HS3ST2: variants seen among roughly 807,000 people sequenced by gnomAD.
HS3ST2 encodes the protein heparan sulfate-glucosamine 3-sulfotransferase 2.
Under a neutral mutation model 26.3 loss-of-function variants are expected in HS3ST2, and 17 were observed. That is an observed-to-expected ratio of 0.65 (90% CI 0.44 to 0.97). HS3ST2 has a LOEUF of 0.97. Among genes scored for constraint, HS3ST2 ranks in the 50% least tolerant of loss-of-function variants. The pLI is 0.00. For missense variants in HS3ST2, 402 were observed against 501.2 expected (o/e 0.80, Z 1.89); for synonymous variants, 237 against 219.2 (o/e 1.08, Z -0.72).
chr16:22,822,327 G>C (rs1257653736), intron 1 of HS3ST2, among the ~76,000 whole-genome samples: 1 of 151,980 alleles, frequency 6.6e-6, no homozygotes, highest in Non-Finnish European at 1.5e-5. Context: ...CAACACACCT[G>C]GTTAATTTTT....
chr16:22,871,908 T>A (rs1234040822), intron 1 of HS3ST2, among the ~76,000 whole-genome samples: 1 of 152,120 alleles, frequency 6.6e-6, no homozygotes, highest in Non-Finnish European at 1.5e-5. Context: ...TGGGCTCACC[T>A]GGGAGGTGCA....
At chr16:22,870,895 T>C (rs1172098225) in intron 1 of HS3ST2, among the ~76,000 whole-genome samples, 1 of 152,190 alleles carries the variant, frequency 6.6e-6, no homozygotes, top group African/African-American at 2.4e-5. Flanking sequence ...ATATAGATGA[T>C]CCGTAACTTA....
rs1596611824 is a variant in HS3ST2, at chr16:22,844,891, G to A, written c.485+29796G>A. On this transcript the variant is annotated intron_variant, in intron 1 of 1. Coordinates refer to ENST00000261374, the MANE Select transcript of HS3ST2 (RefSeq NM_006043.2). Reference sequence around the variant, plus strand: ...TTTTTTTGAGATGGAGTCTCAGTCTGTTGCCCAGGCTGGAGTGCAGTGGCG... The same window carrying A: ...TTTTTTTGAGATGGAGTCTCAGTCTATTGCCCAGGCTGGAGTGCAGTGGCG... Among the ~76,000 whole-genome samples, 6 of 150,342 alleles carry A rather than the reference G, an allele frequency of 4.0e-5. 1 individual carries two copies. The South Asian group carries it at 1.1e-3, about 26-fold the overall frequency.
At chr16:22,861,796 T>C (rs1901678121) in intron 1 of HS3ST2, among the ~76,000 whole-genome samples, 1 of 152,056 alleles carries the variant, frequency 6.6e-6, no homozygotes, top group African/African-American at 2.4e-5. Flanking sequence ...CTCACCACCC[T>C]CCAACCACAG....
chr16:22,814,614 G>T lies in HS3ST2; in HGVS notation c.4G>T (p.Ala2Ser), dbSNP rs763791494. 4.5e-6 allele frequency: 7 copies of T among 1,541,384 alleles called. No homozygotes were observed. Among genetic ancestry groups the T allele is most frequent in the Non-Finnish European group, 6.1e-6 (7 of 1,145,196 alleles). Residue 2 changes from alanine to serine, a missense_variant, in exon 1 of 2, where the codon GCC becomes TCC. Coordinates refer to ENST00000261374, the MANE Select transcript of HS3ST2 (RefSeq NM_006043.2). ...CCCGGCGCGGGCCCATGGAGCCATGGCCTATAGGGTCCTGGGCCGCGCGGG... is the reference window on the plus strand; with the variant it reads ...CCCGGCGCGGGCCCATGGAGCCATGTCCTATAGGGTCCTGGGCCGCGCGGG... MAYRVLGRAGPP... is the reference protein window; with the variant it reads MSYRVLGRAGPP...
chr16:22,860,879 A>G (rs1901664354), intron 1 of HS3ST2, among the ~76,000 whole-genome samples: 1 of 150,790 alleles, frequency 6.6e-6, no homozygotes, highest in Non-Finnish European at 1.5e-5. Flanking sequence ...ATTTAATATA[A>G]TTATATATAG....
At chr16:22,883,648 C>T (rs1392496853) in intron 1 of HS3ST2, among the ~76,000 whole-genome samples, 4 of 152,180 alleles carry the variant, frequency 2.6e-5, no homozygotes, top group South Asian at 2.1e-4. Flanking sequence ...CTAAACTGTA[C>T]ACTTCCCTTC....
chr16:22,890,342 C>A (rs1902112073), intron 1 of HS3ST2, among the ~76,000 whole-genome samples: 1 of 151,996 alleles, frequency 6.6e-6, no homozygotes, highest in Non-Finnish European at 1.5e-5. Flanking sequence ...TGTTTTTCAC[C>A]ATAATAGAAT....
chr16:22,833,485 G>A (rs1328421899), intron 1 of HS3ST2: 4 of 378,770 alleles, frequency 1.1e-5, no homozygotes, highest in African/African-American at 8.4e-5. Context: ...ACAAAATGGG[G>A]AGGAGGGGCA....
At chr16:22,889,865 G>A (rs1359761051) in intron 1 of HS3ST2, among the ~76,000 whole-genome samples, 1 of 152,144 alleles carries the variant, frequency 6.6e-6, no homozygotes, top group East Asian at 1.9e-4. Flanking sequence ...TTTGGGAATT[G>A]CCTATAAATT....
chr16:22,857,978 G>T (rs1231369008), intron 1 of HS3ST2, among the ~76,000 whole-genome samples: 1 of 152,108 alleles, frequency 6.6e-6, no homozygotes, highest in African/African-American at 2.4e-5. Context: ...TGCGGTGGTT[G>T]TTCTTTGATT....
chr16:22,914,893 G>A, intron 1 of HS3ST2, 51 bp from the exon 2 acceptor site: 1 of 1,553,798 alleles, frequency 6.4e-7, no homozygotes, highest in South Asian at 1.2e-5. Flanking sequence ...TGGGCCTGAG[G>A]CCTGGCCCCA....
chr16:22,841,104 C>A (rs769299737), intron 1 of HS3ST2, among the ~76,000 whole-genome samples: 1 of 152,044 alleles, frequency 6.6e-6, no homozygotes, highest in African/African-American at 2.4e-5. Flanking sequence ...CATTGTCACC[C>A]GGGCTGGAGT....
chr16:22,838,168 G>A (rs1015453302), intron 1 of HS3ST2, among the ~76,000 whole-genome samples: 1 of 152,084 alleles, frequency 6.6e-6, no homozygotes, highest in Non-Finnish European at 1.5e-5. Context: ...TAGAATCTGT[G>A]CAAAAATCCC....
intron 1 of HS3ST2, among the ~76,000 whole-genome samples, chr16:22,847,750 T>TA (rs939509024): frequency 9.0e-5 from 13 of 143,672 alleles, no homozygotes; most frequent in Middle Eastern, 3.4e-3. Context: ...CGCCTGATGT[T>TA]AAAAAAAAGA....
chr16:22,914,530 C>A (rs770753595), intron 1 of HS3ST2, among the ~76,000 whole-genome samples: 1 of 151,632 alleles, frequency 6.6e-6, no homozygotes, highest in Admixed American at 6.6e-5. Flanking sequence ...CATAATGAGA[C>A]CCTGCTCTAC....
intron 1 of HS3ST2, among the ~76,000 whole-genome samples, chr16:22,906,336 A>G (rs991577822): frequency 2.0e-5 from 3 of 147,720 alleles, no homozygotes; most frequent in Non-Finnish European, 4.5e-5. Flanking sequence ...GCGCCACTGC[A>G]CTCCAGCCTG....
At chr16:22,815,310 C>G (rs568317549) in intron 1 of HS3ST2, among the ~76,000 whole-genome samples, 13 of 152,222 alleles carry the variant, frequency 8.5e-5, no homozygotes, top group Non-Finnish European at 1.6e-4. Flanking sequence ...GGCGTTCCCT[C>G]GTCACTGGAG....
intron 1 of HS3ST2, among the ~76,000 whole-genome samples, chr16:22,892,013 G>A (rs1051019379): frequency 2.0e-5 from 3 of 151,540 alleles, no homozygotes; most frequent in Non-Finnish European, 2.9e-5. Context: ...GATGGCTCAC[G>A]CCTGTAATCC....
Sources: gnomAD v4.1 joint callset for allele counts (sites outside exome capture counted in the v4.1 genomes callset) on GRCh38, gnomAD v4.1.1 for gene constraint, MANE v1.5 for transcripts, NCBI Gene and HGNC (gene_info 2026-07-23, HGNC 2026-07-21) for gene names.